Variants in TNRC6C observed in about 807,000 individuals in gnomAD.
TNRC6C encodes trinucleotide repeat containing adaptor 6C, also known as trinucleotide repeat-containing gene 6C protein.
Under a neutral mutation model 153.7 loss-of-function variants are expected in TNRC6C, and 20 were observed. The ratio of observed to expected loss-of-function variants is 0.13; its 90% confidence interval spans 0.09 to 0.19. TNRC6C has a LOEUF of 0.19. TNRC6C is among the 10% of genes least tolerant of loss of function. TNRC6C has a pLI of 1.00. For missense variants in TNRC6C, 1,987 were observed against 2,172.0 expected, an observed-to-expected ratio of 0.91 and a Z score of 1.69; for synonymous variants, 811 against 841.4, an observed-to-expected ratio of 0.96 and a Z score of 0.63.
At chr17:78,050,243 C>T (rs1286121467) in exon 3 of TNRC6C, 5 of 1,540,380 alleles carry the variant, frequency 3.2e-6, no homozygotes, top group Non-Finnish European at 4.4e-6. Context: ...TCTGGAACTA[C>T]AGCAAGTGAA....
At chr17:78,050,664 G>A (rs751673356) in exon 3 of TNRC6C, 16 of 1,557,772 alleles carry the variant, frequency 1.0e-5, no homozygotes, top group Middle Eastern at 1.7e-4. Flanking sequence ...CAAGTGGCCC[G>A]GGGGTTTGGG....
rs138367350 is a variant in TNRC6C, at chr17:78,072,937, C to G, written c.2860-100C>G. ...AAGAAATGTATTTCCAGTTCCAAAA[C>G]CTAATAACTATGTCTTTAAGTTGAT... is the stretch of plus-strand genomic sequence containing the variant. On this transcript the variant is annotated intron_variant, in intron 6 of 19. Transcript: ENST00000301624. 1.5e-3 allele frequency: 1,257 copies of G among 832,948 alleles called. 5 individuals are homozygous for G. The highest frequency in any genetic ancestry group is 4.9e-3 in the South Asian group (280 of 57,088). 51.6% of individuals were successfully genotyped at this position (832,948 alleles called of 1,614,324 possible). A position where few individuals can be genotyped will look rare whatever the true frequency, so the allele number is the denominator to read the frequency against.
chr17:78,059,108 T>G (rs1333049194), intron 3 of TNRC6C, among the ~76,000 whole-genome samples: 1 of 152,110 alleles, frequency 6.6e-6, no homozygotes, highest in African/African-American at 2.4e-5. Context: ...TCCTAGGAAG[T>G]TTATCATTCT....
At chr17:77,961,212 A>G (rs907689295) in intron 1 of TNRC6C, among the ~76,000 whole-genome samples, 5 of 151,036 alleles carry the variant, frequency 3.3e-5, no homozygotes, top group African/African-American at 7.3e-5. Context: ...CTGGAGTGCA[A>G]TGGCACGATC....
intron 1 of TNRC6C, among the ~76,000 whole-genome samples, chr17:78,024,657 G>A (rs566931553): frequency 3.3e-4 from 50 of 152,078 alleles, no homozygotes; most frequent in African/African-American, 1.2e-3. Context: ...GAGCCACCGC[G>A]CCTGGCCTAT....
In TNRC6C at chr17:78,102,741, C is replaced by G. The variant is rs1479840387; in HGVS notation, c.4572+197C>G. ...GCGGCAGCAGATGGGGCCCAGGGGCCTCTTTTAACCATGTTCCTGGTGAAT... is the reference window on the plus strand; with the variant it reads ...GCGGCAGCAGATGGGGCCCAGGGGCGTCTTTTAACCATGTTCCTGGTGAAT... On this transcript the variant is annotated intron_variant, in intron 18 of 19. Transcript: ENST00000301624. 1.6e-5 allele frequency: 9 copies of G among 547,552 alleles called. No homozygotes were observed. The Admixed American group carries it at 2.8e-4, about 17-fold the overall frequency. 33.9% of individuals were successfully genotyped at this position (547,552 alleles called of 1,614,324 possible). A position where few individuals can be genotyped will look rare whatever the true frequency, so the allele number is the denominator to read the frequency against.
chr17:78,091,528 C>T, exon 14 of TNRC6C: 1 of 1,609,234 alleles, frequency 6.2e-7, no homozygotes, highest in Non-Finnish European at 8.5e-7. Context: ...AGTCACGCCT[C>T]CCCCAGTGGA....
exon 12 of TNRC6C, chr17:78,086,547 G>A: frequency 1.2e-6 from 2 of 1,613,930 alleles, no homozygotes; most frequent in Non-Finnish European, 1.7e-6. Context: ...TACAGGCCCA[G>A]CGTAATGTGT....
chr17:78,086,203 G>A (rs570152486), intron 11 of TNRC6C, among the ~76,000 whole-genome samples: 19 of 151,822 alleles, frequency 1.3e-4, no homozygotes, highest in South Asian at 6.3e-4. Flanking sequence ...GGTGGCACAC[G>A]ACTGCAATCC....
intron 5 of TNRC6C, among the ~76,000 whole-genome samples, chr17:78,070,492 G>A (rs1248848169): frequency 6.6e-6 from 1 of 152,038 alleles, no homozygotes; most frequent in Non-Finnish European, 1.5e-5. Flanking sequence ...CTGTGGTGCC[G>A]AGCCCTCCCC....
chr17:78,050,106 C>T, exon 3 of TNRC6C: 1 of 1,608,342 alleles, frequency 6.2e-7, no homozygotes, highest in Non-Finnish European at 8.5e-7. Flanking sequence ...AGCCCCCAAA[C>T]CAGCATTCCA....
intron 1 of TNRC6C, among the ~76,000 whole-genome samples, chr17:78,019,787 T>C (rs1031753043): frequency 6.6e-6 from 1 of 152,212 alleles, no homozygotes; most frequent in African/African-American, 2.4e-5. Flanking sequence ...AATGCTGATA[T>C]GCAAAAGGGT....
intron 13 of TNRC6C, among the ~76,000 whole-genome samples, chr17:78,087,869 A>G (rs2073324820): frequency 1.3e-5 from 2 of 152,232 alleles, no homozygotes; most frequent in South Asian, 4.1e-4. Context: ...CAGGAGAGAC[A>G]CAGCTCACAT....
At chr17:78,103,332 T>C in intron 18 of TNRC6C, 82 bp from the exon 22 acceptor site, 1 of 1,534,156 alleles carries the variant, frequency 6.5e-7, no homozygotes, top group Non-Finnish European at 8.9e-7. Flanking sequence ...GTGTATCCAA[T>C]TTCATACGTT....
At chr17:78,047,635 G>A (rs941647032) in intron 2 of TNRC6C, among the ~76,000 whole-genome samples, 3 of 151,892 alleles carry the variant, frequency 2.0e-5, no homozygotes, top group African/African-American at 7.3e-5. Flanking sequence ...TTGTCCATAC[G>A]ATTTTTCTTG....
intron 1 of TNRC6C, 127 bp downstream of exon 3, chr17:78,005,206 T>A: frequency 1.8e-6 from 1 of 554,640 alleles, no homozygotes; most frequent in Non-Finnish European, 2.7e-6. Flanking sequence ...AAACTATTTT[T>A]TATTATTCAT....
chr17:78,081,536 C>G (rs1024382209), intron 10 of TNRC6C, among the ~76,000 whole-genome samples: 4 of 152,046 alleles, frequency 2.6e-5, no homozygotes, highest in Non-Finnish European at 2.9e-5. Flanking sequence ...AAAGAGGCCT[C>G]AAAAAACAGT....
At chr17:78,101,693 C>A (rs1204090865) in intron 17 of TNRC6C, among the ~76,000 whole-genome samples, 1 of 152,092 alleles carries the variant, frequency 6.6e-6, no homozygotes, top group Non-Finnish European at 1.5e-5. Flanking sequence ...TACAAGTATC[C>A]CTTATGGGAG....
rs2073644282 is a variant in TNRC6C at position 78,104,024 on chromosome 17, T to G, written c.4713-461T>G. On this transcript the variant is annotated intron_variant, in intron 19 of 19. Coordinates refer to ENST00000301624, the Ensembl canonical transcript of TNRC6C. The surrounding 1 kb of genome is among the most constrained non-coding windows in gnomAD (Gnocchi z 6.2). ...CAGGTATCTTGGGACTTACTGGTTT[T>G]TTTCTGCTGCTGAGTTGCTGTGTCT... 6.6e-6 allele frequency among the ~76,000 whole-genome samples: 1 copy of G among 152,182 alleles called. No homozygotes were observed. The highest frequency in any genetic ancestry group is 2.1e-4 in the South Asian group (1 of 4,830).
Sources: allele counts gnomAD v4.1 joint callset (sites outside exome capture counted in the v4.1 genomes callset), GRCh38; gene constraint gnomAD v4.1.1; non-coding constraint Gnocchi (gnomAD v3.1); transcripts MANE v1.5; gene names NCBI Gene and HGNC (gene_info 2026-07-23, HGNC 2026-07-21).